The following NAA60 variants were observed in gnomAD, a reference collection of about 807,000 sequenced individuals.
NAA60 encodes N-alpha-acetyltransferase 60, NatF catalytic subunit.
A neutral mutation model predicts 26.1 loss-of-function variants in NAA60; 8 were observed. The observed-to-expected ratio is 0.31, with a 90% confidence interval of 0.18 to 0.55. The LOEUF (loss-of-function observed/expected upper bound fraction) is 0.55. Among genes scored for constraint, NAA60 ranks in the 20% least tolerant of loss-of-function variants. The pLI, the probability that NAA60 is intolerant of heterozygous loss-of-function variation, is 0.93. For missense variants in NAA60, 290 were observed against 311.3 expected, an observed-to-expected ratio of 0.93 and a Z score of 0.51; for synonymous variants, 131 against 122.5, an observed-to-expected ratio of 1.07 and a Z score of -0.46.
Position 3,464,909 on chromosome 16 carries a change from A to C in NAA60, c.-6-11313A>C, listed in dbSNP as rs142796590. ...GTCCAGCCCACACCTCAGTTGTCTC[A>C]AGCTGCTCTTTCAGTGGGAATGTGA... On this transcript the variant is annotated intron_variant, in intron 2 of 7. Transcript: ENST00000407558. Among the ~76,000 whole-genome samples the C allele has an allele frequency of 4.2e-3, 635 of 152,232 alleles. 6 individuals are homozygous for C. The highest frequency in any genetic ancestry group is 0.015 in the African/African-American group (607 of 41,536).
chr16:3,447,571 C>T (rs186257798), intron 1 of NAA60: 1 of 985,260 alleles, frequency 1.0e-6, no homozygotes. Flanking sequence ...GAAGTTGATA[C>T]TGATCGGAAA....
At chr16:3,484,226 GAAT>G (rs1391355693) in intron 6 of NAA60, among the ~76,000 whole-genome samples, 1 of 152,122 alleles carries the variant, frequency 6.6e-6, no homozygotes, top group African/African-American at 2.4e-5. Context: ...TCATTACATA[GAAT>G]AATAAGCAGG....
chr16:3,476,990 G>T (rs768229903), intron 3 of NAA60, among the ~76,000 whole-genome samples: 12 of 151,904 alleles, frequency 7.9e-5, no homozygotes, highest in Non-Finnish European at 1.3e-4. Context: ...GCGGTGAGCC[G>T]AGATTGCGCC....
intron 4 of NAA60, among the ~76,000 whole-genome samples, chr16:3,479,871 T>C (rs545643748): frequency 9.8e-5 from 15 of 152,314 alleles, no homozygotes; most frequent in South Asian, 4.1e-4. Context: ...AGATGATGCA[T>C]TGAGAATCTG....
At chr16:3,443,642 G>A (rs978908176), upstream of NAA60, 32 of 1,126,506 alleles carry the variant, frequency 2.8e-5, no homozygotes, top group Non-Finnish European at 3.7e-5. Flanking sequence ...GGGCAGCTGC[G>A]AGAGGTAGTT....
rs2151024854 is a variant in NAA60 at position 3,485,029 on chromosome 16, T to C, written c.*174T>C. The C allele has an allele frequency of 6.6e-7, 1 of 1,517,702 alleles. No homozygotes were observed. Among genetic ancestry groups the C allele is most frequent in the Admixed American group, 2.0e-5 (1 of 50,156 alleles). The allele number at this position is 1,517,702 out of a possible 1,614,324, so 94.0% of individuals were successfully genotyped here. A position where few individuals can be genotyped will look rare whatever the true frequency, so the allele number is the denominator to read the frequency against. ...ACACGGGCTCGGGAACAGAACATCG[T>C]GGGCATGCGCAGAGCATGCCCATCC... On this transcript the variant is annotated 3_prime_UTR_variant, in exon 7 of 8. Transcript: ENST00000407558.
intron 2 of NAA60, among the ~76,000 whole-genome samples, chr16:3,462,086 C>CAAAAAAAAAAAAAAAAAA (rs1228233879): frequency 2.6e-5 from 2 of 76,794 alleles, no homozygotes; most frequent in Non-Finnish European, 2.5e-5. Flanking sequence ...GACCTTATAT[C>CAAAAAAAAAAAAAAAAAA]AAAAAAAAAA....
At chr16:3,454,592 C>A (rs1302398331) in intron 2 of NAA60, among the ~76,000 whole-genome samples, 1 of 152,042 alleles carries the variant, frequency 6.6e-6, no homozygotes, top group East Asian at 1.9e-4. Flanking sequence ...ACTGAGTAGC[C>A]TGTTAGATCA....
In NAA60 at chr16:3,476,270, C is replaced by T; in HGVS notation, c.43C>T (p.Leu15=). ...VPSSALSEVS[L]RLLCHDDIDT... is the part of the protein sequence containing the mutation. ...ATCCAGCGCGCTCAGCGAGGTCAGC[C>T]TGCGCCTCCTCTGCCACGATGACAT... Residue 15 remains leucine, a synonymous_variant, in exon 3 of 8, where the codon CTG becomes TTG. Coordinates refer to ENST00000407558, the MANE Select transcript of NAA60 (RefSeq NM_001083601.3). 6.2e-7 allele frequency: 1 copy of T among 1,613,954 alleles called. No individual in the cohort carries two copies. Among genetic ancestry groups the T allele is most frequent in the Non-Finnish European group, 8.5e-7 (1 of 1,179,844 alleles).
At chr16:3,480,931 A>G (rs1052155504) in intron 4 of NAA60, among the ~76,000 whole-genome samples, 1 of 152,126 alleles carries the variant, frequency 6.6e-6, no homozygotes, top group African/African-American at 2.4e-5. Context: ...TAAAAGTGCA[A>G]GAAGGCCTGT....
rs1280193788 is a variant in NAA60 at position 3,479,571 on chromosome 16, AT to A, written c.213del (p.Lys72ArgfsTer14). The A allele has an allele frequency of 7.4e-6, 12 of 1,614,062 alleles. No homozygotes were observed. The highest frequency in any genetic ancestry group is 1.3e-5 in the African/African-American group (1 of 75,064). On this transcript the variant is annotated frameshift_variant, in exon 4 of 8. Coordinates refer to ENST00000407558, the MANE Select transcript of NAA60 (RefSeq NM_001083601.3). LOFTEE classifies it high-confidence loss of function. ...CATTGTGGGAATGATAGTAGCTGAA[AT>A]TAAGAACAGGACCAAAATACATAAA... ...GAIVGMIVAEIKNRTKIHKED... is the reference protein window; with the variant it reads ...GAIVGMIVAEXKNRTKIHKED...
chr16:3,455,995 G>A (rs1394930920), intron 2 of NAA60, among the ~76,000 whole-genome samples: 2 of 152,038 alleles, frequency 1.3e-5, no homozygotes, highest in East Asian at 3.9e-4. Context: ...ATGAGCCACC[G>A]CGCCCTGCCC....
chr16:3,485,321 T>G, intron 7 of NAA60, 146 bp from the exon 8 acceptor site: 1 of 506,286 alleles, frequency 2.0e-6, no homozygotes, highest in Non-Finnish European at 3.8e-6. Flanking sequence ...AGGCGCCTAG[T>G]GGCTGCAGGC....
chr16:3,447,624 A>G (rs536884528), intron 1 of NAA60: 16 of 985,446 alleles, frequency 1.6e-5, no homozygotes, highest in Non-Finnish European at 1.9e-5. Context: ...GGCCTAGGTA[A>G]GCAAGATTAT....
At chr16:3,458,628 T>A (rs1434351508) in intron 2 of NAA60, among the ~76,000 whole-genome samples, 5 of 152,166 alleles carry the variant, frequency 3.3e-5, no homozygotes. Flanking sequence ...CAGGGCCTGT[T>A]TTGGTACTTG....
intron 5 of NAA60, 29 bp downstream of exon 5, chr16:3,482,627 GCCCACCCCACCCCCTTGC>G (rs2036913313): frequency 1.5e-5 from 22 of 1,517,220 alleles, no homozygotes; most frequent in Non-Finnish European, 1.9e-5. Context: ...GCGGCTTGGC[GCCCACCCCACCCCCTTGC>G]CCTACCCCAC....
At chr16:3,443,873 T>A (rs1256229219) in intron 1 of NAA60, 36 bp downstream of exon 1, 1 of 1,522,682 alleles carries the variant, frequency 6.6e-7, no homozygotes, top group Non-Finnish European at 8.8e-7. Flanking sequence ...AGGCCTGAAA[T>A]TTCGGTCTGG....
intron 2 of NAA60, among the ~76,000 whole-genome samples, chr16:3,474,955 T>C (rs1301106828): frequency 6.6e-6 from 1 of 152,208 alleles, no homozygotes; most frequent in Non-Finnish European, 1.5e-5. Context: ...TGTTTATTTA[T>C]TTATTTTTAG....
rs1213754101 is a variant in NAA60 at position 3,486,288 on chromosome 16, G to GCCTGC, written c.*1037_*1041dup. The GCCTGC allele has an allele frequency of 3.3e-5, 5 of 153,346 alleles. No individual in the cohort carries two copies. The highest frequency in any genetic ancestry group is 9.6e-5 in the African/African-American group (4 of 41,460). 9.5% of individuals were successfully genotyped at this position (153,346 alleles called of 1,614,324 possible). A position where few individuals can be genotyped will look rare whatever the true frequency, so the allele number is the denominator to read the frequency against. ...CCCTGCATTCCAAATGCTGCTTGCT[G>GCCTGC]CCTGCCCTGCCCTCCGATGCAGGGG... On this transcript the variant is annotated 3_prime_UTR_variant, in exon 8 of 8. Coordinates refer to ENST00000407558, the MANE Select transcript of NAA60 (RefSeq NM_001083601.3).
Sources: allele counts gnomAD v4.1 joint callset (sites outside exome capture counted in the v4.1 genomes callset), GRCh38; gene constraint gnomAD v4.1.1; transcripts MANE v1.5; gene names NCBI Gene and HGNC (gene_info 2026-07-23, HGNC 2026-07-21).